The following PTPRA variants were observed in gnomAD, a reference collection of about 807,000 sequenced individuals.
The protein encoded by PTPRA is protein tyrosine phosphatase receptor type A.
A neutral mutation model predicts 104.8 loss-of-function variants in PTPRA; 25 were observed. That is an observed-to-expected ratio of 0.24 (90% CI 0.17 to 0.33). The LOEUF (loss-of-function observed/expected upper bound fraction) is 0.33, where lower values mean the gene tolerates loss of function less well. Among genes scored for constraint, PTPRA ranks in the 10% least tolerant of loss-of-function variants. PTPRA has a pLI of 1.00. For missense variants in PTPRA, 765 were observed against 1,015.3 expected, an observed-to-expected ratio of 0.75 and a Z score of 3.35; for synonymous variants, 323 against 368.9, an observed-to-expected ratio of 0.88 and a Z score of 1.43.
At chr20:2,985,011 A>G (rs2062842313) in intron 6 of PTPRA, among the ~76,000 whole-genome samples, 1 of 152,220 alleles carries the variant, frequency 6.6e-6, no homozygotes, top group Non-Finnish European at 1.5e-5. Context: ...GTTTATAAAC[A>G]GTGTCTTCCT....
In PTPRA at chr20:2,935,226, A is replaced by G. The variant is rs148181445; in HGVS notation, c.-50+11941A>G. 2.7e-3 allele frequency among the ~76,000 whole-genome samples: 413 copies of G among 152,328 alleles called. 2 individuals are homozygous for G. Among genetic ancestry groups the G allele is most frequent in the Admixed American group, 5.2e-3 (80 of 15,294 alleles). On this transcript the variant is annotated intron_variant, in intron 2 of 23. Coordinates refer to ENST00000399903, the MANE Select transcript of PTPRA (RefSeq NM_001385305.1). ...ATTCAACTTTTTACATTCCACGTGT[A>G]AGTGAGATCATGTGATATTTGTCTT...
intron 2 of PTPRA, among the ~76,000 whole-genome samples, chr20:2,947,131 T>C (rs1450073549): frequency 6.6e-6 from 1 of 152,158 alleles, no homozygotes; most frequent in East Asian, 1.9e-4. Flanking sequence ...TGTCATTACC[T>C]TGCAAATCAG....
At chr20:2,945,244 CTGTT>C (rs1253585991) in intron 2 of PTPRA, among the ~76,000 whole-genome samples, 1 of 152,090 alleles carries the variant, frequency 6.6e-6, no homozygotes, top group African/African-American at 2.4e-5. Flanking sequence ...TTCTTCTTGT[CTGTT>C]TCTTACTGAT....
intron 1 of PTPRA, among the ~76,000 whole-genome samples, chr20:2,904,666 C>CAA (rs397865578): frequency 2.9e-3 from 190 of 65,972 alleles, no homozygotes; most frequent in Middle Eastern, 8.8e-3. Context: ...GACTCCGTCT[C>CAA]AAAAAAAAAA....
intron 6 of PTPRA, among the ~76,000 whole-genome samples, chr20:2,980,375 C>A (rs531707016): frequency 1.3e-5 from 2 of 151,980 alleles, no homozygotes; most frequent in South Asian, 2.1e-4. Context: ...CAAGACCAGG[C>A]TGGCCAACAT....
chr20:2,918,110 A>G (rs1238656935), intron 1 of PTPRA, among the ~76,000 whole-genome samples: 2 of 147,230 alleles, frequency 1.4e-5, no homozygotes, highest in African/African-American at 2.5e-5. Context: ...AAAAAAAAAG[A>G]CAGTGTTTTT....
At chr20:2,910,125 A>G (rs1380838672) in intron 1 of PTPRA, among the ~76,000 whole-genome samples, 2 of 118,862 alleles carry the variant, frequency 1.7e-5, no homozygotes, top group East Asian at 2.3e-4. Flanking sequence ...GATGTATAGT[A>G]TATATGATAT....
intron 5 of PTPRA, among the ~76,000 whole-genome samples, chr20:2,967,948 A>G (rs867817815): frequency 1.3e-5 from 2 of 152,168 alleles, no homozygotes; most frequent in South Asian, 2.1e-4. Context: ...TAGATAATCT[A>G]TTTCTTTTTT....
At chr20:2,866,931 T>C in the PTPRA span, among the ~76,000 whole-genome samples, 1 of 152,204 alleles carries the variant, frequency 6.6e-6, no homozygotes, top group East Asian at 1.9e-4. Context: ...AGGAAGATTA[T>C]AGGGAGAGAT....
intron 5 of PTPRA, 113 bp downstream of exon 5, chr20:2,965,315 G>C (rs2061905178): frequency 2.8e-6 from 3 of 1,076,926 alleles, no homozygotes; most frequent in Admixed American, 5.7e-5. Flanking sequence ...AATTGCTCAA[G>C]TGAAGTAATG....
intron 2 of PTPRA, among the ~76,000 whole-genome samples, chr20:2,929,315 C>T (rs1022930125): frequency 6.6e-6 from 1 of 152,092 alleles, no homozygotes; most frequent in Non-Finnish European, 1.5e-5. Flanking sequence ...CCTGTATGAA[C>T]GTTAATAGTT....
chr20:2,925,667 A>G (rs2060266902), intron 2 of PTPRA, among the ~76,000 whole-genome samples: 1 of 152,158 alleles, frequency 6.6e-6, no homozygotes, highest in Non-Finnish European at 1.5e-5. Flanking sequence ...TGCAAAAATT[A>G]GCCAGGCATG....
intron 1 of PTPRA, among the ~76,000 whole-genome samples, chr20:2,910,406 TTGTATATTATATAATATATAAAA>T (rs1229937238): frequency 2.8e-5 from 2 of 72,268 alleles, no homozygotes; most frequent in Admixed American, 1.8e-4. Context: ...ATAATATATT[TTGTATATTATATAATATATAAAA>T]TGTATATTAT....
chr20:2,936,517 C>T (rs1178045), intron 2 of PTPRA, among the ~76,000 whole-genome samples: 28,078 of 151,802 alleles, frequency 0.18, 3,873 homozygotes, highest in African/African-American at 0.39. Context: ...GCTGGAGTGC[C>T]GTGGTGCAAT....
intron 1 of PTPRA, among the ~76,000 whole-genome samples, chr20:2,879,960 C>G (rs2089957599): frequency 1.3e-5 from 2 of 152,072 alleles, no homozygotes; most frequent in African/African-American, 4.8e-5. Context: ...TGATGCATAC[C>G]TGTATATATA....
intron 2 of PTPRA, among the ~76,000 whole-genome samples, chr20:2,934,216 C>T (rs1223318772): frequency 6.6e-6 from 1 of 151,996 alleles, no homozygotes; most frequent in Non-Finnish European, 1.5e-5. Context: ...GTGATTGTCC[C>T]ACCTCAGCCT....
At position 2,948,022 on chromosome 20, in the gene PTPRA, C is replaced by T. The variant is rs1344698902; in HGVS notation, c.-9C>T. ...AGCATAATTAACTTTTTAAAAGAAGCTAGTAAGTACTGAAATAGTTTTTTA... is the reference window on the plus strand; with the variant it reads ...AGCATAATTAACTTTTTAAAAGAAGTTAGTAAGTACTGAAATAGTTTTTTA... On this transcript the variant is annotated splice_region_variant and 5_prime_UTR_variant, in exon 3 of 24. Coordinates refer to ENST00000399903, the MANE Select transcript of PTPRA (RefSeq NM_001385305.1). 1.8e-6 allele frequency: 2 copies of T among 1,084,692 alleles called. No individual in the cohort carries two copies. Among genetic ancestry groups the T allele is most frequent in the East Asian group, 1.2e-4 (2 of 17,046 alleles). The allele number at this position is 1,084,692 out of a possible 1,614,324, so 67.2% of individuals were successfully genotyped here.
chr20:2,968,463 T>C (rs1333603334), intron 5 of PTPRA, among the ~76,000 whole-genome samples: 1 of 151,924 alleles, frequency 6.6e-6, no homozygotes, highest in Non-Finnish European at 1.5e-5. Flanking sequence ...CTGAAAATTT[T>C]CTCCCATTTC....
intron 6 of PTPRA, among the ~76,000 whole-genome samples, chr20:2,983,779 A>G (rs762936911): frequency 3.3e-5 from 5 of 152,184 alleles, no homozygotes; most frequent in Admixed American, 2.6e-4. Context: ...TGTGTTGCCT[A>G]TGAAATTTAA....
Sources: allele counts gnomAD v4.1 joint callset (sites outside exome capture counted in the v4.1 genomes callset), GRCh38; gene constraint gnomAD v4.1.1; transcripts MANE v1.5; gene names NCBI Gene and HGNC (gene_info 2026-07-23, HGNC 2026-07-21).